Variants in RBFOX1 observed in about 807,000 individuals in gnomAD.
The protein encoded by RBFOX1 is RNA binding fox-1 homolog 1.
In RBFOX1, 8 loss-of-function variants were observed where a neutral mutation model predicts 57.7. The observed-to-expected ratio is 0.14, with a 90% CI of 0.08 to 0.25. The LOEUF (loss-of-function observed/expected upper bound fraction) is 0.25, where lower values mean the gene tolerates loss of function less well. Among genes scored for constraint, RBFOX1 ranks in the 10% least tolerant of loss-of-function variants. The pLI, the probability that RBFOX1 is intolerant of heterozygous loss-of-function variation, is 1.00. For synonymous variants in RBFOX1, 326 were observed against 222.4 expected (o/e 1.47, Z -4.15); for missense variants, 611 against 548.5 (o/e 1.11, Z -1.14).
chr16:5,315,682 T>G (rs568713392), intron 1 of RBFOX1, among the ~76,000 whole-genome samples: 1 of 152,314 alleles, frequency 6.6e-6, no homozygotes, highest in East Asian at 1.9e-4. Flanking sequence ...TTAAATTTGC[T>G]TTGCTGGTGA....
chr16:7,059,848 G>C (rs1283084907), intron 4 of RBFOX1, among the ~76,000 whole-genome samples: 1 of 152,122 alleles, frequency 6.6e-6, no homozygotes, highest in Non-Finnish European at 1.5e-5. Context: ...ACATTAGTTA[G>C]TGGAATATTA....
chr16:6,301,247 T>C (rs2078786146), intron 1 of RBFOX1, among the ~76,000 whole-genome samples: 1 of 152,214 alleles, frequency 6.6e-6, no homozygotes, highest in Non-Finnish European at 1.5e-5. Flanking sequence ...CAGTATTTCA[T>C]ATACATGAGT....
chr16:7,530,999 C>T (rs1995669), intron 5 of RBFOX1, among the ~76,000 whole-genome samples: 36,064 of 152,060 alleles, frequency 0.24, 5,247 homozygotes, highest in African/African-American at 0.41. Flanking sequence ...AGAAGTTCCA[C>T]GGGCAAGTTC....
At chr16:5,397,482 C>T (rs554724072) in intron 1 of RBFOX1, among the ~76,000 whole-genome samples, 19 of 152,336 alleles carry the variant, frequency 1.2e-4, no homozygotes, top group South Asian at 2.1e-4. Flanking sequence ...AGTCTATGGA[C>T]GGCGGAGTGT....
chr16:7,264,325 A>T (rs2095046143), intron 4 of RBFOX1, among the ~76,000 whole-genome samples: 6 of 152,232 alleles, frequency 3.9e-5, no homozygotes, highest in Admixed American at 3.9e-4. Flanking sequence ...AATGAGCAGA[A>T]TTCATAGTTG....
intron 3 of RBFOX1, among the ~76,000 whole-genome samples, chr16:6,928,923 G>T (rs1202047262): frequency 6.6e-6 from 1 of 152,012 alleles, no homozygotes; most frequent in African/African-American, 2.4e-5. Flanking sequence ...GTCAGATATG[G>T]GGGCTTCAAG....
chr16:5,313,064 C>A (rs986664624), intron 1 of RBFOX1, among the ~76,000 whole-genome samples: 1 of 152,086 alleles, frequency 6.6e-6, no homozygotes, highest in Admixed American at 6.6e-5. Flanking sequence ...ATGTGCTGTC[C>A]TGGGCGCTTT....
At chr16:6,395,310 CAA>C (rs2092779310) in intron 2 of RBFOX1, among the ~76,000 whole-genome samples, 1 of 152,152 alleles carries the variant, frequency 6.6e-6, no homozygotes, top group Admixed American at 6.5e-5. Context: ...AAAATTGGCT[CAA>C]AGTCTCCTGA....
At chr16:7,408,913 G>C (rs1016785997) in intron 4 of RBFOX1, among the ~76,000 whole-genome samples, 5 of 152,146 alleles carry the variant, frequency 3.3e-5, no homozygotes, top group Non-Finnish European at 7.3e-5. Flanking sequence ...TGTTGGAAGC[G>C]CTTGGCACCT....
At chr16:6,269,190 A>G (rs998129374) in intron 1 of RBFOX1, among the ~76,000 whole-genome samples, 1 of 152,256 alleles carries the variant, frequency 6.6e-6, no homozygotes, top group South Asian at 2.1e-4. Flanking sequence ...ATGCTTAAGC[A>G]AAAATTATAC....
intron 2 of RBFOX1, among the ~76,000 whole-genome samples, chr16:6,550,282 T>C (rs1361431421): frequency 2.6e-5 from 4 of 152,066 alleles, no homozygotes; most frequent in African/African-American, 9.7e-5. Context: ...GGTTCAACAA[T>C]TCTCTTGCCT....
intron 3 of RBFOX1, among the ~76,000 whole-genome samples, chr16:5,606,249 G>A (rs1011455918): frequency 6.6e-6 from 1 of 152,052 alleles, no homozygotes; most frequent in African/African-American, 2.4e-5. Flanking sequence ...CTCCCACCCT[G>A]TCCTCCAGTG....
chr16:7,701,756 T>C (rs1300117704), intron 14 of RBFOX1, among the ~76,000 whole-genome samples: 1 of 152,170 alleles, frequency 6.6e-6, no homozygotes, highest in Admixed American at 6.5e-5. Context: ...CAGAGGAGTA[T>C]TTCCCTAAAT....
chr16:6,298,882 T>G (rs2078454670), intron 1 of RBFOX1, among the ~76,000 whole-genome samples: 1 of 152,226 alleles, frequency 6.6e-6, no homozygotes, highest in Non-Finnish European at 1.5e-5. Context: ...TTTTGGTTTT[T>G]TGATGATCTG....
intron 3 of RBFOX1, among the ~76,000 whole-genome samples, chr16:6,839,227 C>T (rs1209467273): frequency 6.6e-6 from 1 of 152,070 alleles, no homozygotes; most frequent in African/African-American, 2.4e-5. Flanking sequence ...TCAAGTGATC[C>T]ACCCGCCTCA....
At chr16:6,768,711 A>T (rs1205257323) in intron 3 of RBFOX1, among the ~76,000 whole-genome samples, 1 of 148,610 alleles carries the variant, frequency 6.7e-6, no homozygotes, top group African/African-American at 2.5e-5. Flanking sequence ...ATATATATGT[A>T]TATATGATAT....
At chr16:6,613,451 C>T (rs1344596396) in intron 2 of RBFOX1, among the ~76,000 whole-genome samples, 1 of 151,944 alleles carries the variant, frequency 6.6e-6, no homozygotes, top group East Asian at 1.9e-4. Flanking sequence ...ACCCTTAGGC[C>T]CCCTTAAAGT....
chr16:7,463,149 C>G (rs1599031332), intron 4 of RBFOX1, among the ~76,000 whole-genome samples: 1 of 152,284 alleles, frequency 6.6e-6, no homozygotes, highest in Non-Finnish European at 1.5e-5. Flanking sequence ...AGAAGATTCC[C>G]TCTTGCTATG....
intron 5 of RBFOX1, among the ~76,000 whole-genome samples, chr16:7,534,507 A>G (rs2081010377): frequency 6.6e-6 from 1 of 152,060 alleles, no homozygotes; most frequent in Non-Finnish European, 1.5e-5. Context: ...GCCCCAGGAT[A>G]ACTTCCCCTG....
Sources: allele counts gnomAD v4.1 joint callset (sites outside exome capture counted in the v4.1 genomes callset), GRCh38; gene constraint gnomAD v4.1.1; transcripts MANE v1.5; gene names NCBI Gene and HGNC (gene_info 2026-07-23, HGNC 2026-07-21).